VTI1A: variants seen among roughly 807,000 people sequenced by gnomAD.
VTI1A encodes the protein vesicle transport through interaction with t-SNAREs homolog 1A.
A neutral mutation model predicts 34.9 loss-of-function variants in VTI1A; 22 were observed. The ratio of observed to expected loss-of-function variants is 0.63; its 90% confidence interval spans 0.45 to 0.90. The LOEUF is 0.90. Ranked by LOEUF, VTI1A falls within the 40% of genes least tolerant of loss-of-function variation. The probability of loss-of-function intolerance (pLI) is 0.00; values close to 1 mark genes in which losing one functional copy is unlikely to be tolerated. For synonymous variants in VTI1A, 87 were observed against 97.3 expected, an observed-to-expected ratio of 0.89 and a Z score of 0.62; for missense variants, 268 against 275.6, an observed-to-expected ratio of 0.97 and a Z score of 0.20.
chr10:112,526,792 C>G (rs1324107481), intron 3 of VTI1A, among the ~76,000 whole-genome samples: 1 of 151,640 alleles, frequency 6.6e-6, no homozygotes, highest in African/African-American at 2.4e-5. Flanking sequence ...TTTCTTTCAG[C>G]TTAGTGGTCT....
chr10:112,682,919 G>T (rs536080408), intron 7 of VTI1A, among the ~76,000 whole-genome samples: 1 of 152,176 alleles, frequency 6.6e-6, no homozygotes, highest in African/African-American at 2.4e-5. Context: ...GGCTGGAGGG[G>T]GTGCCATTCT....
chr10:112,618,504 T>TAGAG (rs1222432434), intron 5 of VTI1A, among the ~76,000 whole-genome samples: 3 of 38,852 alleles, frequency 7.7e-5, no homozygotes, highest in African/African-American at 1.1e-4. Flanking sequence ...TATATATATA[T>TAGAG]ATATATATAT....
the VTI1A span, among the ~76,000 whole-genome samples, chr10:112,851,719 G>A: frequency 6.6e-6 from 1 of 152,184 alleles, no homozygotes; most frequent in Non-Finnish European, 1.5e-5. Flanking sequence ...AGGGGCTTCT[G>A]AACTGAAGCT....
Position 112,815,398 on chromosome 10 carries a change from C to T in VTI1A, c.*15C>T. 6.2e-7 allele frequency: 1 copy of T among 1,602,680 alleles called. No homozygotes were observed. The highest frequency in any genetic ancestry group is 8.5e-7 in the Non-Finnish European group (1 of 1,169,628). On this transcript the variant is annotated 3_prime_UTR_variant, in exon 8 of 8. Coordinates refer to ENST00000393077, the MANE Select transcript of VTI1A (RefSeq NM_145206.4). The stretch of plus-strand genomic sequence containing the variant: ...GAAGACACTGATGTATCTGCTCTCC[C>T]TTGATAAACAGCAACAACAGCTTGT...
chr10:112,704,927 G>C (rs1484832918), intron 7 of VTI1A, among the ~76,000 whole-genome samples: 1 of 151,952 alleles, frequency 6.6e-6, no homozygotes, highest in South Asian at 2.1e-4. Context: ...TCGCTCTGTC[G>C]ACCCAGCCTG....
At chr10:112,820,401 C>CT (rs1853632341), downstream of VTI1A, among the ~76,000 whole-genome samples, 1 of 152,242 alleles carries the variant, frequency 6.6e-6, no homozygotes, top group Non-Finnish European at 1.5e-5. Context: ...CAGTAACTCT[C>CT]TAACTCTAAA....
chr10:112,570,349 C>G, intron 5 of VTI1A, among the ~76,000 whole-genome samples: 1 of 151,592 alleles, frequency 6.6e-6, no homozygotes, highest in Admixed American at 6.6e-5. Flanking sequence ...CAAAGCAGCA[C>G]TTCTTATGGG....
chr10:112,678,952 T>G (rs1010478627), intron 7 of VTI1A, among the ~76,000 whole-genome samples: 4 of 150,400 alleles, frequency 2.7e-5, no homozygotes, highest in African/African-American at 9.9e-5. Context: ...AGGGCATCTC[T>G]GGAATATGTG....
intron 7 of VTI1A, among the ~76,000 whole-genome samples, chr10:112,685,732 AGTTACTT>A: frequency 1.3e-5 from 2 of 151,944 alleles, no homozygotes; most frequent in Middle Eastern, 6.8e-3. Flanking sequence ...TTTTTTATTT[AGTTACTT>A]TTCAAAACGA....
intron 3 of VTI1A, among the ~76,000 whole-genome samples, chr10:112,523,693 G>A (rs186778004): frequency 1.9e-4 from 29 of 152,182 alleles, no homozygotes; most frequent in African/African-American, 7.0e-4. Context: ...GTCTTCTCCA[G>A]AAGCCACATA....
intron 7 of VTI1A, among the ~76,000 whole-genome samples, chr10:112,713,024 T>A (rs920305502): frequency 1.3e-5 from 2 of 152,256 alleles, no homozygotes; most frequent in South Asian, 4.2e-4. Flanking sequence ...GTTCCTGATA[T>A]AGGACCCCGT....
chr10:112,849,786 T>G, the VTI1A span, among the ~76,000 whole-genome samples: 1 of 152,232 alleles, frequency 6.6e-6, no homozygotes, highest in East Asian at 1.9e-4. Flanking sequence ...GAATGCACAA[T>G]GGCATCATTA....
intron 5 of VTI1A, among the ~76,000 whole-genome samples, chr10:112,551,585 C>T (rs1851362694): frequency 6.6e-6 from 1 of 152,122 alleles, no homozygotes; most frequent in Admixed American, 6.5e-5. Context: ...TGGCACTGTC[C>T]TTGGCTGTTA....
intron 5 of VTI1A, among the ~76,000 whole-genome samples, chr10:112,577,357 C>T (rs544686601): frequency 1.3e-5 from 2 of 152,104 alleles, no homozygotes; most frequent in South Asian, 2.1e-4. Context: ...TATCCTTATC[C>T]GCATGAGTTA....
intron 7 of VTI1A, among the ~76,000 whole-genome samples, chr10:112,769,000 GGTTTT>G (rs1269322791): frequency 2.0e-5 from 3 of 151,760 alleles, no homozygotes; most frequent in Non-Finnish European, 4.4e-5. Context: ...AAGTTTTTTT[GGTTTT>G]GTTTTGTTTA....
At position 112,814,840 on chromosome 10, in the gene VTI1A, T is replaced by C. The variant is rs569523330; in HGVS notation, c.561-450T>C. ...AGTCTCTGTTTTACTTTTCCCCAGGTATTTTTGTGCAGGTAAGTACATTGC... is the reference window on the plus strand; with the variant it reads ...AGTCTCTGTTTTACTTTTCCCCAGGCATTTTTGTGCAGGTAAGTACATTGC... On this transcript the variant is annotated intron_variant, in intron 7 of 7. Transcript: ENST00000393077. Among the ~76,000 whole-genome samples the C allele has an allele frequency of 3.3e-5, 5 of 152,336 alleles. No individual in the cohort carries two copies. In the East Asian group the frequency reaches 9.6e-4, roughly 29 times the overall value.
At chr10:112,510,702 T>C (rs1849578380) in intron 3 of VTI1A, among the ~76,000 whole-genome samples, 1 of 152,198 alleles carries the variant, frequency 6.6e-6, no homozygotes, top group Non-Finnish European at 1.5e-5. Flanking sequence ...AAAGAATTCA[T>C]ACTTCATTGC....
At chr10:112,669,979 T>C (rs577577013) in intron 7 of VTI1A, among the ~76,000 whole-genome samples, 1 of 152,272 alleles carries the variant, frequency 6.6e-6, no homozygotes, top group Admixed American at 6.5e-5. Flanking sequence ...CCTGGGACAT[T>C]TCCAGCCAAG....
intron 7 of VTI1A, among the ~76,000 whole-genome samples, chr10:112,697,846 T>TTCTC: frequency 6.6e-6 from 1 of 150,510 alleles, no homozygotes; most frequent in Non-Finnish European, 1.5e-5. Context: ...GAAATTTTGT[T>TTCTC]TCTCTGTATT....
Sources: gnomAD v4.1 joint callset for allele counts (sites outside exome capture counted in the v4.1 genomes callset) on GRCh38, gnomAD v4.1.1 for gene constraint, MANE v1.5 for transcripts, NCBI Gene and HGNC (gene_info 2026-07-23, HGNC 2026-07-21) for gene names.